The following ENOX2 variants were observed in gnomAD, a reference collection of about 807,000 sequenced individuals.
The protein encoded by ENOX2 is ecto-NOX disulfide-thiol exchanger 2.
In ENOX2, 36 loss-of-function variants were observed where a neutral mutation model predicts 45.0. The ratio of observed to expected loss-of-function variants is 0.80; its 90% CI spans 0.61 to 1.06. ENOX2 has a LOEUF of 1.06. Ranked by LOEUF, ENOX2 falls within the 50% of genes least tolerant of loss-of-function variation. The pLI is 0.00. For synonymous variants in ENOX2, 174 were observed against 152.3 expected, an observed-to-expected ratio of 1.14 and a Z score of -1.05; for missense variants, 423 against 462.5, an observed-to-expected ratio of 0.91 and a Z score of 0.78.
chrX:130,768,879 T>C (rs578206470), intron 3 of ENOX2, among the ~76,000 whole-genome samples: 1 of 111,650 alleles, frequency 9.0e-6, no homozygotes, highest in South Asian at 3.8e-4. Flanking sequence ...CCTAATTCTT[T>C]AGAACTTTCT....
chrX:130,756,501 G>T (rs936524971), intron 3 of ENOX2, among the ~76,000 whole-genome samples: 6 of 111,964 alleles, frequency 5.4e-5, no homozygotes, highest in African/African-American at 1.6e-4. Flanking sequence ...TGTGGTTGCT[G>T]TAACTGGCCT....
chrX:130,692,616 T>G (rs1410031552), intron 4 of ENOX2, among the ~76,000 whole-genome samples: 12 of 105,585 alleles, frequency 1.1e-4, no homozygotes, highest in Non-Finnish European at 1.2e-4. Context: ...AGTCCCGCTC[T>G]GTTGCCCAGG....
chrX:130,635,076 G>C lies in ENOX2; in HGVS notation c.1327C>G (p.Gln443Glu). The change falls in exon 12 of 15, where the codon CAA (glutamine) becomes GAA (glutamate). Residue 443 changes from glutamine (Q) to glutamate (E), a missense_variant. Around this residue, in one of 5 missense-constraint regions of ENOX2, gnomAD observed 108 missense variants for 70.6 expected, o/e 1.53. Transcript: ENST00000394363. ...GCTTCTTTCTTTTTGTATTCCTCTT[G>C]GACTTTGAGTAGATGCTACAAGAAA... ...QGMQQHLLKV[Q>E]EEYKKKEAEL... The C allele has an allele frequency of 1.7e-6, 2 of 1,146,578 alleles. No homozygotes were observed. Among genetic ancestry groups the C allele is most frequent in the Non-Finnish European group, 2.4e-6 (2 of 840,819 alleles). 94.5% of individuals were successfully genotyped at this position (1,146,578 alleles called of 1,213,427 possible).
At chrX:130,672,476 G>A (rs970561796) in intron 6 of ENOX2, among the ~76,000 whole-genome samples, 67 of 112,869 alleles carry the variant, frequency 5.9e-4, no homozygotes, top group African/African-American at 1.9e-3. Context: ...CACTGCTGGC[G>A]CCTGACCACT....
At chrX:130,744,840 A>G (rs888483979) in intron 3 of ENOX2, among the ~76,000 whole-genome samples, 1 of 111,421 alleles carries the variant, frequency 9.0e-6, no homozygotes, top group African/African-American at 3.3e-5. Context: ...ACACAGCAGG[A>G]GGTGAGCAGC....
At chrX:130,732,698 T>TCACA (rs201498808) in intron 3 of ENOX2, among the ~76,000 whole-genome samples, 1,140 of 99,906 alleles carry the variant, frequency 0.011, 10 homozygotes, top group African/African-American at 0.027. Context: ...ATAAATCCAT[T>TCACA]CACACACACA....
intron 3 of ENOX2, among the ~76,000 whole-genome samples, chrX:130,734,378 G>T (rs1457766383): frequency 1.8e-5 from 2 of 111,830 alleles, no homozygotes; most frequent in African/African-American, 6.5e-5. Flanking sequence ...GATCTCAGGG[G>T]TAATAGGAGT....
intron 3 of ENOX2, among the ~76,000 whole-genome samples, chrX:130,726,026 T>A (rs1014799831): frequency 2.7e-5 from 3 of 112,175 alleles, no homozygotes; most frequent in African/African-American, 9.7e-5. Flanking sequence ...CACAAATATA[T>A]GTTTAAAAGA....
intron 4 of ENOX2, among the ~76,000 whole-genome samples, chrX:130,698,735 C>T (rs1340785675): frequency 1.8e-5 from 2 of 111,603 alleles, no homozygotes; most frequent in African/African-American, 3.3e-5. Context: ...TTCTTTCTTT[C>T]TGTTCCCATC....
chrX:130,711,488 A>G (rs2038188919), intron 3 of ENOX2, among the ~76,000 whole-genome samples: 1 of 110,657 alleles, frequency 9.0e-6, no homozygotes, highest in African/African-American at 3.3e-5. Context: ...AGCAGGATGG[A>G]TCAAAGAGTC....
At position 130,839,910 on chromosome X, in the gene ENOX2, C is replaced by A. The variant is rs746794789; in HGVS notation, c.-182-56220G>T. ...TCATCAAAACTACTGTCAGGTAATG[C>A]CTTTTTGCCTCTAGTGCATGTAAAA... is the stretch of plus-strand genomic sequence containing the variant. On this transcript the variant is annotated intron_variant, in intron 2 of 14. Coordinates refer to ENST00000394363, the MANE Select transcript of ENOX2 (RefSeq NM_006375.4). Among the ~76,000 whole-genome samples the A allele has an allele frequency of 2.7e-5, 3 of 111,478 alleles. No individual in the cohort carries two copies. The South Asian group carries it at 1.1e-3, about 42-fold the overall frequency.
At chrX:130,847,282 T>C (rs2078125812) in intron 2 of ENOX2, among the ~76,000 whole-genome samples, 1 of 111,173 alleles carries the variant, frequency 9.0e-6, no homozygotes, top group Admixed American at 9.5e-5. Flanking sequence ...AGACTGTCTG[T>C]GGTTGTCTAT....
Position 130,846,278 on chromosome X carries a change from A to G in ENOX2, c.-183+55406T>C, listed in dbSNP as rs922405742. On this transcript the variant is annotated intron_variant, in intron 2 of 14. Transcript: ENST00000394363. ...AGAAAATCCACTGTTTCCTTATCCAATCCACAAACCAGAAAAGCAAGAGTG... is the reference window on the plus strand; with the variant it reads ...AGAAAATCCACTGTTTCCTTATCCAGTCCACAAACCAGAAAAGCAAGAGTG... Among the ~76,000 whole-genome samples, 11 of 111,545 alleles carry G rather than the reference A, an allele frequency of 9.9e-5. No individual in the cohort carries two copies. The South Asian group carries it at 2.3e-3, about 23-fold the overall frequency.
intron 2 of ENOX2, among the ~76,000 whole-genome samples, chrX:130,867,174 A>G (rs2078503937): frequency 8.9e-6 from 1 of 111,975 alleles, no homozygotes; most frequent in Admixed American, 9.5e-5. Flanking sequence ...GGAAGACAGC[A>G]TATTAGAAGG....
At chrX:130,784,418 C>A (rs1427553846) in intron 2 of ENOX2, among the ~76,000 whole-genome samples, 1 of 111,316 alleles carries the variant, frequency 9.0e-6, no homozygotes, top group Non-Finnish European at 1.9e-5. Context: ...TCTTACTCCT[C>A]TGGCAGCAGC....
intron 3 of ENOX2, among the ~76,000 whole-genome samples, chrX:130,756,912 G>A (rs781016405): frequency 8.9e-6 from 1 of 112,308 alleles, no homozygotes; most frequent in South Asian, 3.7e-4. Context: ...TGAAAAAGAT[G>A]AAAACTGGAA....
chrX:130,710,422 C>T lies in ENOX2; in HGVS notation c.-38-7168G>A, dbSNP rs536971472. 2.4e-3 allele frequency among the ~76,000 whole-genome samples: 273 copies of T among 112,008 alleles called. 1 individual carries two copies. Among genetic ancestry groups the T allele is most frequent in the Middle Eastern group, 9.2e-3 (2 of 218 alleles). On this transcript the variant is annotated intron_variant, in intron 3 of 14. Coordinates refer to ENST00000394363, the MANE Select transcript of ENOX2 (RefSeq NM_006375.4). ...TCCTCTATTGCAGTGCCAAGTTTGC[C>T]CCACAGGGGACATTTGGCAGTATCT...
At chrX:130,828,165 A>G (rs1051705510) in intron 2 of ENOX2, among the ~76,000 whole-genome samples, 1 of 111,954 alleles carries the variant, frequency 8.9e-6, no homozygotes, top group South Asian at 3.7e-4. Context: ...AGATATGAGC[A>G]AATATCTGAG....
intron 2 of ENOX2, among the ~76,000 whole-genome samples, chrX:130,786,225 G>A (rs1346915703): frequency 2.7e-5 from 3 of 111,666 alleles, no homozygotes; most frequent in African/African-American, 6.5e-5. Context: ...TAATGCCACA[G>A]CTTAAAAGTT....
Sources: gnomAD v4.1 joint callset for allele counts (sites outside exome capture counted in the v4.1 genomes callset) on GRCh38, gnomAD v4.1.1 for gene constraint, gnomAD v4.1.1 regional missense constraint, MANE v1.5 for transcripts, NCBI Gene and HGNC (gene_info 2026-07-23, HGNC 2026-07-21) for gene names.